Variants in PDGFA observed in about 807,000 individuals in gnomAD.
The protein encoded by PDGFA is platelet derived growth factor subunit A, also known as platelet-derived growth factor subunit A.
PDGFA carries 9 observed loss-of-function variants against 25.6 expected under a neutral mutation model. That is an observed-to-expected ratio of 0.35 (90% CI 0.21 to 0.61). PDGFA has a LOEUF of 0.61. Ranked by LOEUF, PDGFA falls within the 20% of genes least tolerant of loss-of-function variation. PDGFA has a pLI of 0.75. For missense variants in PDGFA, 242 were observed against 272.8 expected (o/e 0.89, Z 0.79); for synonymous variants, 133 against 111.8 (o/e 1.19, Z -1.20).
intron 4 of PDGFA, among the ~76,000 whole-genome samples, chr7:503,910 G>A (rs1316523911): frequency 1.3e-5 from 2 of 152,110 alleles, no homozygotes; most frequent in African/African-American, 2.4e-5. Flanking sequence ...GGACACTGCC[G>A]CTTCCTACAT....
intron 5 of PDGFA, among the ~76,000 whole-genome samples, chr7:499,059 C>T (rs1461994122): frequency 5.9e-5 from 9 of 152,224 alleles, no homozygotes; most frequent in East Asian, 3.9e-4. Context: ...GCCTCTCCAT[C>T]GCACACTCCA....
chr7:509,409 G>C (rs1782703081), intron 4 of PDGFA, among the ~76,000 whole-genome samples: 1 of 152,156 alleles, frequency 6.6e-6, no homozygotes, highest in Non-Finnish European at 1.5e-5. Flanking sequence ...TCCCACCTCA[G>C]CCTCCAGAGT....
chr7:501,296 C>G (rs1193304224), intron 4 of PDGFA, 54 bp from the exon 5 acceptor site: 29 of 1,608,318 alleles, frequency 1.8e-5, no homozygotes, highest in Non-Finnish European at 2.4e-5. Flanking sequence ...CTTCGGACAT[C>G]ACGACGTGCT....
At position 503,723 on chromosome 7, in the gene PDGFA, T is replaced by C. The variant is rs540977697; in HGVS notation, c.454-2481A>G. 1.3e-4 allele frequency among the ~76,000 whole-genome samples: 20 copies of C among 152,200 alleles called. No homozygotes were observed. In the South Asian group the frequency reaches 3.9e-3, roughly 30 times the overall value. ...GGCTGAGTTAATGGTTAACCCACAG[T>C]GCAAAGGGTGCCTGCAGGCGTGTGA... On this transcript the variant is annotated intron_variant, in intron 4 of 5. Transcript: ENST00000402802.
Position 500,746 on chromosome 7 carries a change from CT to C in PDGFA, c.580+369del. On this transcript the variant is annotated intron_variant, in intron 5 of 5. Coordinates refer to ENST00000402802, the Ensembl canonical transcript of PDGFA. This position sits in a 1 kb window ranked among gnomAD's most constrained non-coding sequence, Gnocchi z 5.0. ...GAGAGACCCCAGCCAGCCAGGGCAA[CT>C]GCAGTCCTCGAACCTGCTCCTCCCG... 7.0e-7 allele frequency: 1 copy of C among 1,438,596 alleles called. No individual in the cohort carries two copies. Among genetic ancestry groups the C allele is most frequent in the Non-Finnish European group, 9.1e-7 (1 of 1,100,576 alleles). 89.1% of individuals were successfully genotyped at this position (1,438,596 alleles called of 1,614,324 possible).
chr7:507,959 T>C (rs1336704497), intron 4 of PDGFA, among the ~76,000 whole-genome samples: 1 of 151,292 alleles, frequency 6.6e-6, no homozygotes, highest in Non-Finnish European at 1.5e-5. Flanking sequence ...CCTGGAAAAA[T>C]CTTGGGGCTT....
At position 508,559 on chromosome 7, in the gene PDGFA, C is replaced by CAATA. The variant is rs1554274685; in HGVS notation, c.453+2249_453+2250insTATT. Among the ~76,000 whole-genome samples the CAATA allele has an allele frequency of 1.1e-4, 4 of 35,670 alleles. No homozygotes were observed. The East Asian group carries it at 3.4e-3, about 31-fold the overall frequency. 23.4% of individuals were successfully genotyped at this position (35,670 alleles called of 152,430 possible). A position where few individuals can be genotyped will look rare whatever the true frequency, so the allele number is the denominator to read the frequency against. On this transcript the variant is annotated intron_variant, in intron 4 of 5. Transcript: ENST00000402802. ...TGGGCAACAGAGCAAGAAGCTGTCC[C>CAATA]AAAAAAAAAAAAAAAAAAAAAAAAA...
In PDGFA at chr7:518,929, C is replaced by T; in HGVS notation, c.63+10G>A. 6.6e-7 allele frequency: 1 copy of T among 1,510,364 alleles called. No homozygotes were observed. Among genetic ancestry groups the T allele is most frequent in the Non-Finnish European group, 8.8e-7 (1 of 1,130,306 alleles). 93.6% of individuals were successfully genotyped at this position (1,510,364 alleles called of 1,614,324 possible). A position where few individuals can be genotyped will look rare whatever the true frequency, so the allele number is the denominator to read the frequency against. On this transcript the variant is annotated intron_variant, in intron 1 of 5. Coordinates refer to ENST00000402802, the Ensembl canonical transcript of PDGFA. ...CCGGCGCAGGGACGGGGCGCGGGGG[C>T]GGCACCAACCTCGGCCAGAACATGG... is the stretch of plus-strand genomic sequence containing the variant.
chr7:510,647 G>A (rs1461825739), intron 4 of PDGFA, among the ~76,000 whole-genome samples, 162 bp downstream of exon 4: 1 of 98,924 alleles, frequency 1.0e-5, no homozygotes, highest in Non-Finnish European at 2.1e-5. Context: ...CCTTGACGCT[G>A]TGGTGGTGGA....
exon 6 of PDGFA, chr7:498,528 T>C: frequency 6.2e-7 from 1 of 1,600,462 alleles, no homozygotes. Flanking sequence ...ACACGCCATG[T>C]ACATCCATGT....
chr7:508,543 G>A (rs1782663302), intron 4 of PDGFA, among the ~76,000 whole-genome samples: 1 of 109,260 alleles, frequency 9.2e-6, no homozygotes, highest in Admixed American at 1.4e-4. Context: ...CTGGGCAACA[G>A]AGCAAGAAGC....
In PDGFA at chr7:517,287, G is replaced by T; in HGVS notation, c.160+107C>A. 5.6e-6 allele frequency: 2 copies of T among 355,184 alleles called. No individual in the cohort carries two copies. The highest frequency in any genetic ancestry group is 1.7e-4 in the South Asian group (2 of 11,634). The allele number at this position is 355,184 out of a possible 1,614,324, so 22.0% of individuals were successfully genotyped here. A position where few individuals can be genotyped will look rare whatever the true frequency, so the allele number is the denominator to read the frequency against. ...CGCTTATGGCTGGGGATTGGATTCT[G>T]ACCTTTCGGTGCGCTCCTGCGCGGC... On this transcript the variant is annotated intron_variant, in intron 2 of 5. Transcript: ENST00000402802. This position sits in a 1 kb window ranked among gnomAD's most constrained non-coding sequence, Gnocchi z 7.4.
At chr7:502,424 C>T (rs1287546512) in intron 4 of PDGFA, among the ~76,000 whole-genome samples, 2 of 152,114 alleles carry the variant, frequency 1.3e-5, no homozygotes, top group Middle Eastern at 3.2e-3. Flanking sequence ...CCCCCAGGTC[C>T]GAGGCTCTCC....
At chr7:515,005 T>C (rs1783026829) in intron 2 of PDGFA, among the ~76,000 whole-genome samples, 2 of 152,164 alleles carry the variant, frequency 1.3e-5, no homozygotes, top group Non-Finnish European at 2.9e-5. Context: ...TCCCCAACTG[T>C]ACAGTGGGAC....
upstream of PDGFA, chr7:520,206 GC>G: frequency 4.3e-6 from 1 of 230,348 alleles, no homozygotes. Flanking sequence ...CCTCTCTCGG[GC>G]CCCAGCGGCG....
chr7:519,631 G>T (rs903229498), upstream of PDGFA, among the ~76,000 whole-genome samples: 5 of 145,212 alleles, frequency 3.4e-5, no homozygotes, highest in African/African-American at 1.2e-4. Context: ...GCCGCGCTCC[G>T]CCCTCCGCTC....
chr7:505,547 G>A (rs539070809), intron 4 of PDGFA, among the ~76,000 whole-genome samples: 2 of 152,260 alleles, frequency 1.3e-5, no homozygotes, highest in African/African-American at 4.8e-5. Context: ...TCCAGGTTAC[G>A]GCCTGACCCT....
At chr7:507,669 C>T (rs1358906848) in intron 4 of PDGFA, among the ~76,000 whole-genome samples, 1 of 152,222 alleles carries the variant, frequency 6.6e-6, no homozygotes, top group African/African-American at 2.4e-5. Flanking sequence ...CTAATGAGAA[C>T]AAGACCACAG....
chr7:515,529 C>A (rs935598988), intron 2 of PDGFA, among the ~76,000 whole-genome samples: 1 of 152,082 alleles, frequency 6.6e-6, no homozygotes, highest in African/African-American at 2.4e-5. Context: ...AGGAGGCCCC[C>A]CTATGTTACA....
Sources: gnomAD v4.1 joint callset for allele counts (sites outside exome capture counted in the v4.1 genomes callset) on GRCh38, gnomAD v4.1.1 for gene constraint, Gnocchi (gnomAD v3.1) non-coding constraint, MANE v1.5 for transcripts, NCBI Gene and HGNC (gene_info 2026-07-23, HGNC 2026-07-21) for gene names.